Variants in NXPH1 observed in about 807,000 individuals in gnomAD.
NXPH1 encodes neurexophilin-1.
In NXPH1, 5 loss-of-function variants were observed where a neutral mutation model predicts 23.7. The ratio of observed to expected loss-of-function variants is 0.21; its 90% CI spans 0.11 to 0.44. The LOEUF is 0.44. Among genes scored for constraint, NXPH1 ranks in the 20% least tolerant of loss-of-function variants. The pLI is 0.99. For missense variants in NXPH1, 324 were observed against 321.6 expected (o/e 1.01, Z -0.06); for synonymous variants, 144 against 122.2 (o/e 1.18, Z -1.18).
At chr7:8,440,217 G>A (rs1816274482) in intron 2 of NXPH1, among the ~76,000 whole-genome samples, 1 of 152,210 alleles carries the variant, frequency 6.6e-6, no homozygotes, top group Non-Finnish European at 1.5e-5. Flanking sequence ...ACTATTCTAG[G>A]CATTTCCCTG....
At chr7:8,564,204 T>C (rs1818500294) in intron 2 of NXPH1, among the ~76,000 whole-genome samples, 1 of 151,822 alleles carries the variant, frequency 6.6e-6, no homozygotes. Context: ...TTTTTCTTTT[T>C]CATTGTCTGT....
chr7:8,557,424 C>G (rs993616013), intron 2 of NXPH1, among the ~76,000 whole-genome samples: 3 of 151,636 alleles, frequency 2.0e-5, no homozygotes, highest in Non-Finnish European at 4.4e-5. Flanking sequence ...TGGGGTCATG[C>G]TTGCTTTGGG....
chr7:8,487,105 A>C (rs1817171398), intron 2 of NXPH1, among the ~76,000 whole-genome samples: 1 of 152,116 alleles, frequency 6.6e-6, no homozygotes, highest in African/African-American at 2.4e-5. Context: ...TTTTTGAATG[A>C]ATATGTAATC....
chr7:8,731,046 AT>A (rs1362454876), intron 2 of NXPH1, among the ~76,000 whole-genome samples: 1 of 144,418 alleles, frequency 6.9e-6, no homozygotes, highest in Admixed American at 7.0e-5. Context: ...TTTTCTTTTT[AT>A]TGTTTTTTCT....
At chr7:8,436,794 A>G (rs906167985) in intron 2 of NXPH1, among the ~76,000 whole-genome samples, 18 of 152,166 alleles carry the variant, frequency 1.2e-4, no homozygotes, top group African/African-American at 4.3e-4. Context: ...CTGATGGGCT[A>G]CACCTCTGAT....
rs961031456 is a variant in NXPH1, at chr7:8,484,650, C to T, written c.54+48883C>T. On this transcript the variant is annotated intron_variant, in intron 2 of 2. Transcript: ENST00000405863. ...CTTGTTTGAGTAAATGTCATAAAATCGAGCTTTTAAAAAATGATGAAAACT... is the reference window on the plus strand; with the variant it reads ...CTTGTTTGAGTAAATGTCATAAAATTGAGCTTTTAAAAAATGATGAAAACT... Among the ~76,000 whole-genome samples, 7 of 151,946 alleles carry T rather than the reference C, an allele frequency of 4.6e-5. 1 individual carries two copies. Among genetic ancestry groups the T allele is most frequent in the Admixed American group, 2.6e-4 (4 of 15,246 alleles).
At chr7:8,746,540 A>G (rs1431594728) in intron 2 of NXPH1, among the ~76,000 whole-genome samples, 1 of 152,236 alleles carries the variant, frequency 6.6e-6, no homozygotes, top group Non-Finnish European at 1.5e-5. Flanking sequence ...TATTTGCCAT[A>G]TATTTAGGCA....
intron 2 of NXPH1, among the ~76,000 whole-genome samples, chr7:8,439,284 G>A (rs533994249): frequency 6.6e-6 from 1 of 152,218 alleles, no homozygotes; most frequent in South Asian, 2.1e-4. Context: ...CTGAAGAGTG[G>A]GGGTTCTAAC....
At chr7:8,527,169 G>A (rs1342815598) in intron 2 of NXPH1, among the ~76,000 whole-genome samples, 1 of 152,204 alleles carries the variant, frequency 6.6e-6, no homozygotes, top group Non-Finnish European at 1.5e-5. Flanking sequence ...TTGAGTAGGA[G>A]AAGGCAAGGC....
rs896077594 is a variant in NXPH1 at position 8,435,947 on chromosome 7, C to T, written c.54+180C>T. Among the ~76,000 whole-genome samples, 1 of 152,184 alleles carries T rather than the reference C, an allele frequency of 6.6e-6. No individual in the cohort carries two copies. The highest frequency in any genetic ancestry group is 2.4e-5 in the African/African-American group (1 of 41,452). On this transcript the variant is annotated intron_variant, in intron 2 of 2. Transcript: ENST00000405863. The surrounding 1 kb of genome is among the most constrained non-coding windows in gnomAD (Gnocchi z 5.9). The stretch of plus-strand genomic sequence containing the variant: ...TCCTGCGGATTTTCCGGGGTTCCCA[C>T]CCCATTTTCTGCTCCAATCCCCCAG...
At chr7:8,463,978 T>C (rs1360488442) in intron 2 of NXPH1, among the ~76,000 whole-genome samples, 1 of 152,176 alleles carries the variant, frequency 6.6e-6, no homozygotes, top group African/African-American at 2.4e-5. Context: ...TATTCACATA[T>C]TTTGTTCAAA....
intron 2 of NXPH1, among the ~76,000 whole-genome samples, chr7:8,703,912 T>A (rs1484991989): frequency 6.6e-6 from 1 of 152,110 alleles, no homozygotes; most frequent in Non-Finnish European, 1.5e-5. Flanking sequence ...AACCCCTTCC[T>A]ATTACTTCCA....
At chr7:8,517,450 G>A (rs1180401713) in intron 2 of NXPH1, among the ~76,000 whole-genome samples, 1 of 152,130 alleles carries the variant, frequency 6.6e-6, no homozygotes, top group African/African-American at 2.4e-5. Flanking sequence ...GTTCGGTGCT[G>A]TCAGATGTAA....
intron 2 of NXPH1, among the ~76,000 whole-genome samples, chr7:8,609,839 A>T (rs1051431882): frequency 1.3e-5 from 2 of 152,168 alleles, no homozygotes; most frequent in Admixed American, 1.3e-4. Context: ...AGGGAGAATT[A>T]TGTCTTTTAT....
intron 2 of NXPH1, among the ~76,000 whole-genome samples, chr7:8,644,203 T>A (rs1044470715): frequency 6.6e-6 from 1 of 152,242 alleles, no homozygotes; most frequent in Non-Finnish European, 1.5e-5. Flanking sequence ...CTTAAGACTT[T>A]AACCTGGGAA....
At chr7:8,558,666 C>A (rs1329174962) in intron 2 of NXPH1, among the ~76,000 whole-genome samples, 2 of 151,622 alleles carry the variant, frequency 1.3e-5, no homozygotes, top group Non-Finnish European at 3.0e-5. Context: ...TGAGCCCAAC[C>A]TTTTCCTTTT....
At chr7:8,701,741 T>C (rs184139452) in intron 2 of NXPH1, among the ~76,000 whole-genome samples, 1 of 152,220 alleles carries the variant, frequency 6.6e-6, no homozygotes, top group East Asian at 1.9e-4. Context: ...GTTACAAAGA[T>C]AGTCAGTAAA....
chr7:8,552,087 A>G (rs1348974546), intron 2 of NXPH1, among the ~76,000 whole-genome samples: 2 of 148,716 alleles, frequency 1.3e-5, no homozygotes, highest in South Asian at 2.1e-4. Context: ...ATTTTGGCTT[A>G]ACTCCAATTG....
chr7:8,736,001 T>G (rs994072371), intron 2 of NXPH1, among the ~76,000 whole-genome samples: 2 of 152,236 alleles, frequency 1.3e-5, no homozygotes, highest in African/African-American at 4.8e-5. Context: ...TCATTTTTAT[T>G]GTGCCTATTC....
Sources: allele counts gnomAD v4.1 joint callset (sites outside exome capture counted in the v4.1 genomes callset), GRCh38; gene constraint gnomAD v4.1.1; non-coding constraint Gnocchi (gnomAD v3.1); transcripts MANE v1.5; gene names NCBI Gene and HGNC (gene_info 2026-07-23, HGNC 2026-07-21).